SPAG16: variants seen among roughly 807,000 people sequenced by gnomAD.
SPAG16 encodes sperm-associated antigen 16 protein.
A neutral mutation model predicts 80.4 loss-of-function variants in SPAG16; 86 were observed. That is an observed-to-expected ratio of 1.07 (90% CI 0.90 to 1.28). The LOEUF (loss-of-function observed/expected upper bound fraction) is 1.28. SPAG16 is among the 50% of genes most tolerant of loss of function. The pLI is 0.00. For missense variants in SPAG16, 870 were observed against 765.3 expected (o/e 1.14, Z -1.61); for synonymous variants, 294 against 265.9 (o/e 1.11, Z -1.03).
In SPAG16 at chr2:214,059,351, ATTTG is replaced by A. The variant is rs537017170; in HGVS notation, c.1527+45281_1527+45284del. On this transcript the variant is annotated intron_variant, in intron 13 of 15. Coordinates refer to ENST00000331683, the MANE Select transcript of SPAG16 (RefSeq NM_024532.5). Reference sequence around the variant, plus strand: ...CTTTTTTTTCAGTTAGTGGATTATTATTTGTTTGTTATTTCAACTCCATTTGTTA... The same window carrying A: ...CTTTTTTTTCAGTTAGTGGATTATTATTTGTTATTTCAACTCCATTTGTTA... Among the ~76,000 whole-genome samples, 43 of 148,580 alleles carry A rather than the reference ATTTG, an allele frequency of 2.9e-4. No individual in the cohort carries two copies. The South Asian group carries it at 8.2e-3, about 28-fold the overall frequency.
At position 214,302,070 on chromosome 2, in the gene SPAG16, C is replaced by T. The variant is rs1694591007; in HGVS notation, c.1721-108070C>T. ...TATTCAGGAGCAAGTTGTTTAGTTT[C>T]CATGTACTTATACAGTTTTGATAGT... On this transcript the variant is annotated intron_variant, in intron 15 of 15. Coordinates refer to ENST00000331683, the MANE Select transcript of SPAG16 (RefSeq NM_024532.5). Among the ~76,000 whole-genome samples, 2 of 152,032 alleles carry T rather than the reference C, an allele frequency of 1.3e-5. 1 individual carries two copies. The highest frequency in any genetic ancestry group is 1.3e-4 in the Admixed American group (2 of 15,248).
At chr2:213,756,949 A>G (rs1407031703) in intron 10 of SPAG16, among the ~76,000 whole-genome samples, 1 of 152,206 alleles carries the variant, frequency 6.6e-6, no homozygotes, top group South Asian at 2.1e-4. Context: ...TTATAGAGCA[A>G]AGAGGGAATA....
chr2:213,659,500 T>C (rs1360908870), intron 10 of SPAG16, among the ~76,000 whole-genome samples: 1 of 152,140 alleles, frequency 6.6e-6, no homozygotes, highest in Non-Finnish European at 1.5e-5. Context: ...ATATAGCATT[T>C]TTAAAGTGTC....
chr2:213,717,351 A>G (rs1185515817), intron 10 of SPAG16, among the ~76,000 whole-genome samples: 3 of 151,876 alleles, frequency 2.0e-5, no homozygotes, highest in African/African-American at 7.3e-5. Flanking sequence ...TAGTAGAGAC[A>G]GGGTTTCACC....
At chr2:213,715,048 TG>T in intron 10 of SPAG16, among the ~76,000 whole-genome samples, 1 of 152,274 alleles carries the variant, frequency 6.6e-6, no homozygotes, top group East Asian at 1.9e-4. Context: ...GTTCCTATGA[TG>T]GGATTTGCTT....
intron 9 of SPAG16, chr2:213,422,353 G>A (rs1362758191): frequency 2.9e-6 from 2 of 689,690 alleles, no homozygotes; most frequent in South Asian, 1.5e-5. Flanking sequence ...TCCAGTGCCT[G>A]TGCCAGTGCC....
intron 15 of SPAG16, among the ~76,000 whole-genome samples, chr2:214,390,075 T>C (rs1700983336): frequency 6.6e-6 from 1 of 152,222 alleles, no homozygotes; most frequent in South Asian, 2.1e-4. Context: ...TGTCCAGTTA[T>C]TCTGTACCAC....
intron 9 of SPAG16, among the ~76,000 whole-genome samples, chr2:213,443,985 A>G (rs911831771): frequency 1.3e-5 from 2 of 152,172 alleles, no homozygotes; most frequent in Non-Finnish European, 2.9e-5. Flanking sequence ...CAGATTTCCA[A>G]GGAGAAACTG....
At chr2:213,826,995 G>T (rs545313232) in intron 10 of SPAG16, among the ~76,000 whole-genome samples, 53 of 151,704 alleles carry the variant, frequency 3.5e-4, no homozygotes, top group South Asian at 2.3e-3. Context: ...TTTTCTTATG[G>T]TTTTTTTATG....
chr2:213,778,282 A>T (rs1457296440), intron 10 of SPAG16, among the ~76,000 whole-genome samples: 1 of 152,196 alleles, frequency 6.6e-6, no homozygotes, highest in Non-Finnish European at 1.5e-5. Flanking sequence ...AAAAGTTAAA[A>T]TAAGAAAGTC....
chr2:213,692,732 C>A (rs1182975514), intron 10 of SPAG16, among the ~76,000 whole-genome samples: 5 of 151,512 alleles, frequency 3.3e-5, no homozygotes, highest in South Asian at 2.1e-4. Flanking sequence ...ATGCCGTGAA[C>A]CCGGGAGGCG....
At chr2:213,548,723 C>T (rs779702132) in intron 10 of SPAG16, among the ~76,000 whole-genome samples, 1 of 151,800 alleles carries the variant, frequency 6.6e-6, no homozygotes, top group Non-Finnish European at 1.5e-5. Flanking sequence ...TCTATGAGCC[C>T]TTTTTTGTAT....
rs143640051 is a variant in SPAG16 at position 213,887,426 on chromosome 2, G to A, written c.1214+24798G>A. Among the ~76,000 whole-genome samples the A allele has an allele frequency of 7.3e-4, 111 of 151,650 alleles. 1 individual carries two copies. Among genetic ancestry groups the A allele is most frequent in the African/African-American group, 2.3e-3 (95 of 41,448 alleles). ...GTAAAATGACTCTCATATCGTATTC[G>A]TCTGATGTTTTCTCCTGATTAAAAT... On this transcript the variant is annotated intron_variant, in intron 11 of 15. Coordinates refer to ENST00000331683, the MANE Select transcript of SPAG16 (RefSeq NM_024532.5).
chr2:214,175,424 C>T (rs2057045874), intron 15 of SPAG16, among the ~76,000 whole-genome samples: 1 of 150,674 alleles, frequency 6.6e-6, no homozygotes, highest in African/African-American at 2.4e-5. Flanking sequence ...ATGAGTACGT[C>T]TCATCTCAAG....
intron 15 of SPAG16, among the ~76,000 whole-genome samples, chr2:214,288,615 G>A (rs1008301196): frequency 8.6e-5 from 13 of 151,764 alleles, no homozygotes; most frequent in African/African-American, 3.1e-4. Flanking sequence ...TTTTTAGTAA[G>A]AGCCATTTTA....
intron 10 of SPAG16, among the ~76,000 whole-genome samples, chr2:213,763,525 G>T (rs989599711): frequency 6.6e-6 from 1 of 152,152 alleles, no homozygotes; most frequent in Non-Finnish European, 1.5e-5. Flanking sequence ...AGAGGCTGGG[G>T]AGAGTTGCTG....
chr2:213,375,313 A>T lies in SPAG16; in HGVS notation c.942+194A>T, dbSNP rs1483832964. 7.0e-6 allele frequency: 3 copies of T among 429,892 alleles called. No homozygotes were observed. In the East Asian group the frequency reaches 1.2e-4, roughly 17 times the overall value. The allele number at this position is 429,892 out of a possible 1,614,324, so 26.6% of individuals were successfully genotyped here. A position where few individuals can be genotyped will look rare whatever the true frequency, so the allele number is the denominator to read the frequency against. On this transcript the variant is annotated intron_variant, in intron 9 of 15. Coordinates refer to ENST00000331683, the MANE Select transcript of SPAG16 (RefSeq NM_024532.5). ...GTAGTTAATTCAGGGACACAGGCTT[A>T]TTAGTAGCAGAGACAGCTCAGTGGA...
chr2:213,367,354 G>A (rs188995335), intron 8 of SPAG16, among the ~76,000 whole-genome samples: 3 of 152,250 alleles, frequency 2.0e-5, no homozygotes, highest in East Asian at 3.9e-4. Context: ...GATCTTTGAG[G>A]AATTGCCACA....
At chr2:213,816,994 T>G (rs2072582812) in intron 10 of SPAG16, among the ~76,000 whole-genome samples, 2 of 151,906 alleles carry the variant, frequency 1.3e-5, no homozygotes, top group African/African-American at 4.8e-5. Flanking sequence ...TAATAAAATT[T>G]TCCAGGGTCT....
Sources: allele counts gnomAD v4.1 joint callset (sites outside exome capture counted in the v4.1 genomes callset), GRCh38; gene constraint gnomAD v4.1.1; transcripts MANE v1.5; gene names NCBI Gene and HGNC (gene_info 2026-07-23, HGNC 2026-07-21).